The following MPP4 variants were observed in gnomAD, a reference collection of about 807,000 sequenced individuals.
The protein encoded by MPP4 is MAGUK p55 scaffold protein 4, also known as MAGUK p55 subfamily member 4.
Under a neutral mutation model 98.3 loss-of-function variants are expected in MPP4, and 91 were observed. The ratio of observed to expected loss-of-function variants is 0.93; its 90% confidence interval spans 0.78 to 1.10. MPP4 has a LOEUF of 1.10. Among genes scored for constraint, MPP4 ranks in the 50% least tolerant of loss-of-function variants. The pLI is 0.00. For synonymous variants in MPP4, 261 were observed against 271.8 expected, an observed-to-expected ratio of 0.96 and a Z score of 0.39; for missense variants, 744 against 792.9, an observed-to-expected ratio of 0.94 and a Z score of 0.74.
At chr2:201,663,072 G>T (rs1292207691) in intron 14 of MPP4, among the ~76,000 whole-genome samples, 1 of 152,176 alleles carries the variant, frequency 6.6e-6, no homozygotes, top group Non-Finnish European at 1.5e-5. Flanking sequence ...GAATAAACAG[G>T]ATACGTGGAA....
rs539502321 is a variant in MPP4 at position 201,668,442 on chromosome 2, C to A, written c.1012+1291G>T. On this transcript the variant is annotated intron_variant, in intron 12 of 21. Transcript: ENST00000409474. ...AAAAACACATCAGATCAATCGATCT[C>A]TCTCTCTTTCTCTTCTCTTCTCTTC... 3.4e-5 allele frequency among the ~76,000 whole-genome samples: 5 copies of A among 147,108 alleles called. No homozygotes were observed. The South Asian group carries it at 1.1e-3, about 31-fold the overall frequency.
intron 18 of MPP4, chr2:201,651,170 A>T (rs2105911915): frequency 1.0e-6 from 1 of 985,474 alleles, no homozygotes; most frequent in South Asian, 4.7e-5. Context: ...GAAATAGATC[A>T]ACATCTGATG....
intron 1 of MPP4, 88 bp from the exon 2 acceptor site, chr2:201,694,142 C>T (rs1233193980): frequency 3.1e-6 from 4 of 1,274,988 alleles, no homozygotes; most frequent in Non-Finnish European, 3.2e-6. Flanking sequence ...ACAGTCTTCC[C>T]CTGTGGTGCC....
Position 201,693,958 on chromosome 2 carries a change from C to G in MPP4, c.-4G>C. ...CTCCTTTGTCTGACTGTATCATCCT[C>G]CCTGCCGGAGCTTCTGAAAGGAATT... On this transcript the variant is annotated 5_prime_UTR_variant, in exon 2 of 22. Transcript: ENST00000409474. The G allele has an allele frequency of 6.2e-7, 1 of 1,613,950 alleles. No homozygotes were observed. The highest frequency in any genetic ancestry group is 1.1e-5 in the South Asian group (1 of 91,078).
At chr2:201,694,547 T>C (rs1689124433) in intron 1 of MPP4, among the ~76,000 whole-genome samples, 1 of 151,868 alleles carries the variant, frequency 6.6e-6, no homozygotes, top group African/African-American at 2.4e-5. Context: ...GTTTTGTTTC[T>C]AGAGTGCTTT....
intron 21 of MPP4, among the ~76,000 whole-genome samples, chr2:201,647,293 C>T (rs72613728): frequency 0.1 from 15,741 of 151,994 alleles, 1,797 homozygotes; most frequent in East Asian, 0.4. Context: ...CAGGCTCATA[C>T]ATGCCCAATT....
At position 201,649,697 on chromosome 2, in the gene MPP4, G is replaced by A. The variant is rs1442820998; in HGVS notation, c.1476-13C>T. The A allele has an allele frequency of 6.3e-6, 10 of 1,582,506 alleles. No homozygotes were observed. Among genetic ancestry groups the A allele is most frequent in the African/African-American group, 4.0e-5 (3 of 74,458 alleles). On this transcript the variant is annotated splice_polypyrimidine_tract_variant and intron_variant, in intron 19 of 21. Coordinates refer to ENST00000409474, the MANE Select transcript of MPP4 (RefSeq NM_033066.3). ...ATACTCCAGCATCCTGCAAGAGCAG[G>A]CCAAACAAAACAGAACACTTTCTAC...
chr2:201,668,299 G>T (rs998532585), intron 12 of MPP4, among the ~76,000 whole-genome samples: 1 of 152,102 alleles, frequency 6.6e-6, no homozygotes, highest in East Asian at 1.9e-4. Flanking sequence ...ATATGTTGAA[G>T]CCCTTGCCCT....
rs1433303032 is a variant in MPP4 at position 201,686,189 on chromosome 2, T to A, written c.361-139A>T. 15 of 939,514 alleles carry A rather than the reference T, an allele frequency of 1.6e-5. 1 individual carries two copies. Among genetic ancestry groups the A allele is most frequent in the Non-Finnish European group, 2.2e-5 (14 of 650,504 alleles). 58.2% of individuals were successfully genotyped at this position (939,514 alleles called of 1,614,324 possible). A position where few individuals can be genotyped will look rare whatever the true frequency, so the allele number is the denominator to read the frequency against. On this transcript the variant is annotated intron_variant, in intron 5 of 21. Transcript: ENST00000409474. ...ACATGCCAGACACAGTGCGAAGCAT[T>A]TTATATGAATTAATCCGATCTTCAC...
At chr2:201,681,058 C>T (rs773718330) in intron 9 of MPP4, 24 bp from the exon 10 acceptor site, 16 of 1,599,028 alleles carry the variant, frequency 1.0e-5, no homozygotes, top group Non-Finnish European at 1.3e-5. Flanking sequence ...CATAATGACG[C>T]TATCAGAAGG....
chr2:201,648,986 C>A (rs1387860995), intron 20 of MPP4, among the ~76,000 whole-genome samples: 1 of 152,130 alleles, frequency 6.6e-6, no homozygotes, highest in African/African-American at 2.4e-5. Flanking sequence ...ATTGCTTGAA[C>A]CCGGGAAGCG....
intron 1 of MPP4, chr2:201,698,092 G>C (rs1187440220): frequency 1.0e-6 from 1 of 989,850 alleles, no homozygotes; most frequent in African/African-American, 1.7e-5. Flanking sequence ...TCTTGACTCA[G>C]AAGATGCATT....
chr2:201,693,181 C>T (rs2540425), intron 2 of MPP4, among the ~76,000 whole-genome samples, 152 bp from the exon 3 acceptor site: 148,458 of 152,294 alleles, frequency 0.97, 72,457 homozygotes, highest in Middle Eastern at 1. Context: ...CCCTGTTCCA[C>T]CTCTTACTTT....
At chr2:201,687,618 A>ATAGGTTTAGATGGATCTAAACCC (rs1688876829) in intron 4 of MPP4, among the ~76,000 whole-genome samples, 2 of 152,190 alleles carry the variant, frequency 1.3e-5, no homozygotes, top group African/African-American at 4.8e-5. Flanking sequence ...CCAATGCCCA[A>ATAGGTTTAGATGGATCTAAACCC]TCCTGGCACA....
intron 10 of MPP4, among the ~76,000 whole-genome samples, chr2:201,677,429 C>A (rs1260199173): frequency 6.6e-6 from 1 of 152,134 alleles, no homozygotes; most frequent in African/African-American, 2.4e-5. Flanking sequence ...TTATTTTCCA[C>A]CAATATGCCC....
At chr2:201,661,240 C>T (rs1486050817) in intron 14 of MPP4, among the ~76,000 whole-genome samples, 2 of 147,074 alleles carry the variant, frequency 1.4e-5, no homozygotes, top group South Asian at 2.2e-4. Context: ...TTTTTAATGA[C>T]GCTTCTGATT....
intron 15 of MPP4, among the ~76,000 whole-genome samples, chr2:201,658,777 C>T (rs368480810): frequency 3.4e-5 from 5 of 148,594 alleles, no homozygotes; most frequent in East Asian, 1.9e-4. Flanking sequence ...AAAGCCAAAA[C>T]GAGTTTATTA....
chr2:201,661,432 G>T, intron 14 of MPP4: 2 of 456,494 alleles, frequency 4.4e-6, no homozygotes, highest in South Asian at 3.1e-5. Flanking sequence ...ATGCCAGCTG[G>T]GTGCTAACTG....
intron 7 of MPP4, among the ~76,000 whole-genome samples, chr2:201,684,609 T>C (rs948448433): frequency 1.3e-5 from 2 of 152,166 alleles, no homozygotes; most frequent in Admixed American, 1.3e-4. Context: ...TCTTTACTGC[T>C]TTATCCAAGA....
Sources: allele counts gnomAD v4.1 joint callset (sites outside exome capture counted in the v4.1 genomes callset), GRCh38; gene constraint gnomAD v4.1.1; transcripts MANE v1.5; gene names NCBI Gene and HGNC (gene_info 2026-07-23, HGNC 2026-07-21).